The following ERC2 variants were observed in gnomAD, a reference collection of about 807,000 sequenced individuals.
ERC2 encodes the protein ERC protein 2.
In ERC2, 42 loss-of-function variants were observed where a neutral mutation model predicts 114.8. The observed-to-expected ratio is 0.37, with a 90% confidence interval of 0.29 to 0.47. The LOEUF is 0.47. Among genes scored for constraint, ERC2 ranks in the 20% least tolerant of loss-of-function variants. ERC2 has a pLI of 0.99. For missense variants in ERC2, 939 were observed against 1,150.7 expected (o/e 0.82, Z 2.66); for synonymous variants, 454 against 425.5 (o/e 1.07, Z -0.82).
At chr3:55,843,560 G>T (rs532373191) in intron 14 of ERC2, among the ~76,000 whole-genome samples, 1 of 152,366 alleles carries the variant, frequency 6.6e-6, no homozygotes, top group African/African-American at 2.4e-5. Flanking sequence ...TATTGTCATG[G>T]ACTTAAAATC....
At chr3:56,071,761 A>T (rs1355281666) in intron 7 of ERC2, among the ~76,000 whole-genome samples, 2 of 152,198 alleles carry the variant, frequency 1.3e-5, no homozygotes, top group Non-Finnish European at 1.5e-5. Context: ...CCTTAGAAGA[A>T]AAGCAATGTA....
At position 56,340,985 on chromosome 3, in the gene ERC2, G is replaced by GA. The variant is rs553540132; in HGVS notation, c.658-44551dup. 2.2e-3 allele frequency among the ~76,000 whole-genome samples: 331 copies of GA among 152,266 alleles called. 1 individual carries two copies. Among genetic ancestry groups the GA allele is most frequent in the African/African-American group, 6.0e-3 (251 of 41,560 alleles). On this transcript the variant is annotated intron_variant, in intron 2 of 17. Coordinates refer to ENST00000288221, the MANE Select transcript of ERC2 (RefSeq NM_015576.3). The stretch of plus-strand genomic sequence containing the variant: ...ATAAATGTTCCACTTCTTTGGGGGG[G>GA]AAAAAATCCTGAAACTAATTTAGCT...
intron 17 of ERC2, among the ~76,000 whole-genome samples, chr3:55,631,537 A>G (rs1161190768): frequency 1.3e-5 from 2 of 152,216 alleles, no homozygotes; most frequent in Admixed American, 6.5e-5. Context: ...AGCTCTGCCA[A>G]CTAAATGGAC....
chr3:55,574,490 T>C (rs1206570423), intron 17 of ERC2, among the ~76,000 whole-genome samples: 2 of 151,376 alleles, frequency 1.3e-5, no homozygotes, highest in African/African-American at 2.4e-5. Context: ...ATGAAAGGGG[T>C]GCCAAGGAAG....
intron 1 of ERC2, among the ~76,000 whole-genome samples, chr3:56,465,714 T>G (rs955331344): frequency 6.6e-6 from 1 of 152,236 alleles, no homozygotes; most frequent in Admixed American, 6.5e-5. Flanking sequence ...AATTTTTATT[T>G]TATTATGTGT....
At position 55,831,142 on chromosome 3, in the gene ERC2, CAAA is replaced by C. The variant is rs576800724; in HGVS notation, c.2564+57244_2564+57246del. On this transcript the variant is annotated intron_variant, in intron 14 of 17. Transcript: ENST00000288221. Reference sequence around the variant, plus strand: ...GGCAACATGACAAGACCCCTCTCTACAAAAAAAAAAAAAAATTTAATTAGCCAG... The same window carrying C: ...GGCAACATGACAAGACCCCTCTCTACAAAAAAAAAAAATTTAATTAGCCAG... Among the ~76,000 whole-genome samples, 14 of 105,840 alleles carry C rather than the reference CAAA, an allele frequency of 1.3e-4. 1 individual carries two copies. Among genetic ancestry groups the C allele is most frequent in the African/African-American group, 4.7e-4 (14 of 29,476 alleles). The allele number at this position is 105,840 out of a possible 152,430, so 69.4% of individuals were successfully genotyped here.
intron 14 of ERC2, among the ~76,000 whole-genome samples, chr3:55,781,427 C>T (rs77186271): frequency 6.6e-6 from 1 of 152,108 alleles, no homozygotes; most frequent in African/African-American, 2.4e-5. Context: ...CTAATGGAAG[C>T]CTGGGGGAAG....
chr3:56,158,931 C>T (rs2081897000), intron 4 of ERC2, among the ~76,000 whole-genome samples: 1 of 152,034 alleles, frequency 6.6e-6, no homozygotes, highest in Middle Eastern at 3.4e-3. Context: ...ATCTCATGTT[C>T]AATTGTAATC....
intron 13 of ERC2, among the ~76,000 whole-genome samples, chr3:55,947,459 T>A (rs1430395708): frequency 2.0e-5 from 3 of 152,230 alleles, no homozygotes; most frequent in Non-Finnish European, 4.4e-5. Context: ...ACTTTTCCAA[T>A]CTGTGACTTG....
intron 2 of ERC2, among the ~76,000 whole-genome samples, chr3:56,432,476 T>C (rs1166683347): frequency 6.6e-6 from 1 of 152,186 alleles, no homozygotes; most frequent in Non-Finnish European, 1.5e-5. Flanking sequence ...GAAGCAGAAA[T>C]GATACCGAAG....
At chr3:55,870,878 A>C (rs2062553129) in intron 14 of ERC2, among the ~76,000 whole-genome samples, 1 of 152,188 alleles carries the variant, frequency 6.6e-6, no homozygotes, top group African/African-American at 2.4e-5. Flanking sequence ...TGTGGCCTTC[A>C]CATTTCTCAC....
chr3:56,172,519 T>G (rs990417855), intron 4 of ERC2, among the ~76,000 whole-genome samples: 2 of 152,210 alleles, frequency 1.3e-5, no homozygotes, highest in African/African-American at 4.8e-5. Flanking sequence ...ATTGAGAAGA[T>G]GCATTATCCT....
At chr3:55,991,587 G>A (rs2071061957) in intron 11 of ERC2, among the ~76,000 whole-genome samples, 1 of 152,188 alleles carries the variant, frequency 6.6e-6, no homozygotes, top group African/African-American at 2.4e-5. Context: ...GATGTGCCAA[G>A]AGACATCCAA....
intron 14 of ERC2, among the ~76,000 whole-genome samples, chr3:55,786,238 T>C (rs2069476959): frequency 6.6e-6 from 1 of 152,234 alleles, no homozygotes; most frequent in Non-Finnish European, 1.5e-5. Context: ...AGGAGTTCTT[T>C]TGAGAAAACC....
rs181602389 is a variant in ERC2 at position 56,218,520 on chromosome 3, G to A, written c.1075-45000C>T. On this transcript the variant is annotated intron_variant, in intron 3 of 17. Transcript: ENST00000288221. ...TGCTAAAGAGGATGTGGAGAAATAG[G>A]AACACTTTTACACTGTTGGTGGGAC... Among the ~76,000 whole-genome samples, 495 of 152,324 alleles carry A rather than the reference G, an allele frequency of 3.2e-3. 11 individuals are homozygous for A. The East Asian group carries it at 0.065, about 20-fold the overall frequency.
chr3:55,801,855 T>C (rs892945282), intron 14 of ERC2, among the ~76,000 whole-genome samples: 6 of 152,236 alleles, frequency 3.9e-5, no homozygotes, highest in African/African-American at 1.4e-4. Context: ...AGCCCACCCA[T>C]GAAGCCTGCC....
intron 17 of ERC2, among the ~76,000 whole-genome samples, chr3:55,526,234 C>A (rs901216786): frequency 1.3e-5 from 2 of 152,156 alleles, no homozygotes; most frequent in Non-Finnish European, 2.9e-5. Flanking sequence ...CTGCCAGCAC[C>A]TTGATTTTGG....
At chr3:55,516,820 G>A (rs2052546307) in intron 17 of ERC2, among the ~76,000 whole-genome samples, 2 of 152,182 alleles carry the variant, frequency 1.3e-5, no homozygotes, top group Admixed American at 1.3e-4. Context: ...CATTTGTTGC[G>A]TGCTATCTGC....
At chr3:56,201,689 C>T (rs778060939) in intron 3 of ERC2, among the ~76,000 whole-genome samples, 17 of 152,170 alleles carry the variant, frequency 1.1e-4, no homozygotes, top group Non-Finnish European at 2.2e-4. Context: ...TCAGTAGAAA[C>T]CCAAACTGTT....
Sources: gnomAD v4.1 joint callset for allele counts (sites outside exome capture counted in the v4.1 genomes callset) on GRCh38, gnomAD v4.1.1 for gene constraint, MANE v1.5 for transcripts, NCBI Gene and HGNC (gene_info 2026-07-23, HGNC 2026-07-21) for gene names.